Variants in AFAP1 observed in about 807,000 individuals in gnomAD.
The protein encoded by AFAP1 is actin filament associated protein 1, also known as actin filament-associated protein 1.
Under a neutral mutation model 93.9 loss-of-function variants are expected in AFAP1, and 75 were observed. The ratio of observed to expected loss-of-function variants is 0.80; its 90% CI spans 0.66 to 0.97. The LOEUF (loss-of-function observed/expected upper bound fraction) is 0.97, where lower values mean the gene tolerates loss of function less well. Ranked by LOEUF, AFAP1 falls within the 50% of genes least tolerant of loss-of-function variation. The pLI, the probability that AFAP1 is intolerant of heterozygous loss-of-function variation, is 0.00. For missense variants in AFAP1, 1,201 were observed against 1,050.8 expected (o/e 1.14, Z -1.98); for synonymous variants, 517 against 430.7 (o/e 1.20, Z -2.48).
chr4:7,798,037 A>G (rs908942091), intron 10 of AFAP1, among the ~76,000 whole-genome samples: 3 of 152,220 alleles, frequency 2.0e-5, no homozygotes, highest in East Asian at 1.9e-4. Flanking sequence ...TCTCAAAACA[A>G]AAGTTAAAAT....
chr4:7,823,830 C>A (rs1721187542), intron 6 of AFAP1, among the ~76,000 whole-genome samples: 1 of 152,198 alleles, frequency 6.6e-6, no homozygotes, highest in Non-Finnish European at 1.5e-5. Context: ...CATTCAGCAA[C>A]CCAGAGCAGG....
At chr4:7,913,015 T>G (rs910529229) in intron 1 of AFAP1, among the ~76,000 whole-genome samples, 75 of 152,170 alleles carry the variant, frequency 4.9e-4, no homozygotes, top group African/African-American at 1.7e-3. Context: ...GCCCAGTTAA[T>G]TTTTTTAGTT....
intron 2 of AFAP1, 33 bp from the exon 3 acceptor site, chr4:7,868,752 TGAG>T: frequency 5.0e-6 from 8 of 1,595,328 alleles, no homozygotes; most frequent in Non-Finnish European, 6.9e-6. Flanking sequence ...CAGAACTGGA[TGAG>T]GATGGGGATG....
At position 7,816,092 on chromosome 4, in the gene AFAP1, G is replaced by C; in HGVS notation, c.830C>G (p.Ser277Cys). Residue 277 changes from serine (S) to cysteine (C), a missense_variant, in exon 8 of 18, where the codon TCT (serine) becomes TGT (cysteine). Coordinates refer to ENST00000420658, the MANE Select transcript of AFAP1 (RefSeq NM_001134647.2). ...CCCATCTGAGCTGGGTCTCTCTGAA[G>C]ACAGTTTCTGTAAGGAGAAAAAGAT... ...VHKAELEKKL[S>C]SERPSSDGEG... The C allele has an allele frequency of 6.2e-7, 1 of 1,611,528 alleles. No homozygotes were observed. The highest frequency in any genetic ancestry group is 8.5e-7 in the Non-Finnish European group (1 of 1,178,972).
chr4:7,927,089 G>A (rs1720809087), intron 1 of AFAP1, among the ~76,000 whole-genome samples: 1 of 152,194 alleles, frequency 6.6e-6, no homozygotes, highest in African/African-American at 2.4e-5. Flanking sequence ...TCAGAGATGT[G>A]GCCTTGGGGC....
intron 2 of AFAP1, among the ~76,000 whole-genome samples, chr4:7,870,861 A>G (rs940960449): frequency 1.3e-5 from 2 of 152,176 alleles, no homozygotes; most frequent in Non-Finnish European, 2.9e-5. Flanking sequence ...ACATGGCTTC[A>G]TATACTAAAA....
intron 1 of AFAP1, among the ~76,000 whole-genome samples, chr4:7,906,452 T>A (rs944866605): frequency 6.6e-6 from 1 of 152,154 alleles, no homozygotes; most frequent in Non-Finnish European, 1.5e-5. Flanking sequence ...GACTACAGCA[T>A]TTTCCACCCC....
intron 14 of AFAP1, chr4:7,775,646 A>T (rs1166670132): frequency 1.3e-5 from 2 of 152,192 alleles, no homozygotes; most frequent in African/African-American, 4.8e-5. Flanking sequence ...CGGATACATG[A>T]AGAGGCAACC....
At chr4:7,786,784 T>C (rs1717304718) in intron 11 of AFAP1, among the ~76,000 whole-genome samples, 1 of 152,236 alleles carries the variant, frequency 6.6e-6, no homozygotes. Context: ...CTTTCACAAG[T>C]GTGTTACTTC....
intron 1 of AFAP1, among the ~76,000 whole-genome samples, chr4:7,884,809 A>G (rs1005778508): frequency 5.9e-5 from 9 of 152,220 alleles, no homozygotes; most frequent in Admixed American, 2.0e-4. Context: ...ATCAGACGTA[A>G]AAAGAAAAGA....
intron 9 of AFAP1, among the ~76,000 whole-genome samples, chr4:7,801,114 G>T (rs1446949067): frequency 6.6e-6 from 1 of 152,172 alleles, no homozygotes; most frequent in Middle Eastern, 3.2e-3. Flanking sequence ...TTAACATGAA[G>T]AAACAAAAAC....
At chr4:7,909,240 TGTC>T (rs1719594639) in intron 1 of AFAP1, among the ~76,000 whole-genome samples, 1 of 152,202 alleles carries the variant, frequency 6.6e-6, no homozygotes, top group Non-Finnish European at 1.5e-5. Context: ...GATGACCCCT[TGTC>T]ATCCCATTTC....
At chr4:7,896,187 CA>C (rs1718752082) in intron 1 of AFAP1, among the ~76,000 whole-genome samples, 1 of 152,060 alleles carries the variant, frequency 6.6e-6, no homozygotes, top group Non-Finnish European at 1.5e-5. Flanking sequence ...CCAAATGGTC[CA>C]ATTTCTATGG....
chr4:7,809,745 G>C lies in AFAP1; in HGVS notation c.923C>G (p.Ser308Cys). 1.2e-6 allele frequency: 2 copies of C among 1,613,012 alleles called. No homozygotes were observed. The highest frequency in any genetic ancestry group is 2.2e-5 in the East Asian group (1 of 44,838). ...GKEQVKRKKS[S>C]KSEAKGTVSK... ...CACAGTGCCCTTGGCCTCTGATTTGGAACTTTTCTTCCTCTTCACTGTCAA... is the reference window on the plus strand; with the variant it reads ...CACAGTGCCCTTGGCCTCTGATTTGCAACTTTTCTTCCTCTTCACTGTCAA... Residue 308 changes from serine (S) to cysteine (C), a missense_variant, in exon 9 of 18, where the codon TCC (serine) becomes TGC (cysteine). Transcript: ENST00000420658.
intron 8 of AFAP1, among the ~76,000 whole-genome samples, chr4:7,814,425 C>T (rs1373440713): frequency 6.6e-6 from 1 of 152,126 alleles, no homozygotes; most frequent in Non-Finnish European, 1.5e-5. Flanking sequence ...TAGGTATTTA[C>T]CCGAGGGAAA....
intron 6 of AFAP1, among the ~76,000 whole-genome samples, chr4:7,835,815 T>TGGC (rs1209263423): frequency 1.3e-5 from 2 of 148,818 alleles, no homozygotes; most frequent in Non-Finnish European, 3.0e-5. Context: ...GTTACCTGGG[T>TGGC]GGCTCTTGAA....
At chr4:7,865,291 G>A (rs1377229013) in intron 3 of AFAP1, among the ~76,000 whole-genome samples, 2 of 152,150 alleles carry the variant, frequency 1.3e-5, no homozygotes, top group Non-Finnish European at 2.9e-5. Context: ...AGCACCAGGA[G>A]GGAGAAATTA....
intron 1 of AFAP1, among the ~76,000 whole-genome samples, chr4:7,895,131 T>A (rs1339737531): frequency 6.6e-6 from 1 of 152,230 alleles, no homozygotes; most frequent in African/African-American, 2.4e-5. Context: ...GATGTGATGA[T>A]AGAACGATCT....
rs561343695 is a variant in AFAP1 at position 7,773,850 on chromosome 4, C to A, written c.2063-840G>T. The A allele has an allele frequency of 5.2e-5, 8 of 152,648 alleles. No homozygotes were observed. In the East Asian group the frequency reaches 1.5e-3, roughly 30 times the overall value. The allele number at this position is 152,648 out of a possible 1,614,324, so 9.5% of individuals were successfully genotyped here. A position where few individuals can be genotyped will look rare whatever the true frequency, so the allele number is the denominator to read the frequency against. On this transcript the variant is annotated intron_variant, in intron 15 of 17. Coordinates refer to ENST00000420658, the MANE Select transcript of AFAP1 (RefSeq NM_001134647.2). ...TCTAAACTCCAAAAGCATTTCCCTT[C>A]ATCAGATCATTGAGGCACAAAGTCC...
Sources: allele counts gnomAD v4.1 joint callset (sites outside exome capture counted in the v4.1 genomes callset), GRCh38; gene constraint gnomAD v4.1.1; transcripts MANE v1.5; gene names NCBI Gene and HGNC (gene_info 2026-07-23, HGNC 2026-07-21).